CDH18: variants seen among roughly 807,000 people sequenced by gnomAD.
CDH18 encodes the protein cadherin-18.
CDH18 carries 31 observed loss-of-function variants against 67.9 expected under a neutral mutation model. The ratio of observed to expected loss-of-function variants is 0.46; its 90% CI spans 0.34 to 0.62. CDH18 has a LOEUF of 0.62. Among genes scored for constraint, CDH18 ranks in the 20% least tolerant of loss-of-function variants. The pLI, the probability that CDH18 is intolerant of heterozygous loss-of-function variation, is 0.01. For missense variants in CDH18, 890 were observed against 975.5 expected, an observed-to-expected ratio of 0.91 and a Z score of 1.17; for synonymous variants, 362 against 347.2, an observed-to-expected ratio of 1.04 and a Z score of -0.48.
At position 19,726,722 on chromosome 5, in the gene CDH18, AG is replaced by A. The variant is rs1221760385; in HGVS notation, c.524-5257del. ...AAAAATTATAAGACTTGGTATTTTC[AG>A]TAATTCTTTATATTAGACAAAAGTG... On this transcript the variant is annotated intron_variant, in intron 4 of 12. Coordinates refer to ENST00000382275, the MANE Select transcript of CDH18 (RefSeq NM_004934.5). 2.0e-5 allele frequency among the ~76,000 whole-genome samples: 3 copies of A among 152,230 alleles called. 1 individual carries two copies. The highest frequency in any genetic ancestry group is 4.4e-5 in the Non-Finnish European group (3 of 68,032).
intron 1 of CDH18, among the ~76,000 whole-genome samples, chr5:20,470,692 A>G (rs1230613591): frequency 6.6e-6 from 1 of 152,166 alleles, no homozygotes; most frequent in East Asian, 1.9e-4. Flanking sequence ...TCTCTATGCA[A>G]TAGCATTGTG....
intron 2 of CDH18, among the ~76,000 whole-genome samples, chr5:20,086,620 A>C (rs748627134): frequency 1.3e-5 from 2 of 152,180 alleles, no homozygotes; most frequent in Non-Finnish European, 2.9e-5. Context: ...ACTCCAAAAA[A>C]ATCCCAGGAT....
intron 5 of CDH18, among the ~76,000 whole-genome samples, chr5:19,631,773 T>A (rs1042032056): frequency 1.3e-4 from 20 of 152,214 alleles, no homozygotes; most frequent in Non-Finnish European, 2.1e-4. Flanking sequence ...ATATGTGTAA[T>A]GAACTATTTA....
At chr5:19,741,088 T>C (rs2173342) in intron 4 of CDH18, among the ~76,000 whole-genome samples, 103,835 of 150,962 alleles carry the variant, frequency 0.69, 40,531 homozygotes, top group Non-Finnish European at 0.86. Flanking sequence ...TAAATATGTA[T>C]AGTGTATGCG....
intron 2 of CDH18, among the ~76,000 whole-genome samples, chr5:20,092,158 C>G (rs991079579): frequency 6.6e-6 from 1 of 152,028 alleles, no homozygotes; most frequent in East Asian, 1.9e-4. Context: ...TGACAAAGTA[C>G]CTGGCAATGT....
At chr5:19,745,203 A>G (rs1005248501) in intron 4 of CDH18, among the ~76,000 whole-genome samples, 6 of 152,168 alleles carry the variant, frequency 3.9e-5, no homozygotes, top group African/African-American at 1.4e-4. Context: ...ATCAGTTACC[A>G]TTCATGCCTT....
At chr5:19,848,371 T>A (rs1370488840) in intron 2 of CDH18, among the ~76,000 whole-genome samples, 1 of 152,144 alleles carries the variant, frequency 6.6e-6, no homozygotes, top group East Asian at 1.9e-4. Context: ...CGAGGTATTA[T>A]GATGAGAGGG....
At chr5:19,939,172 G>A in intron 2 of CDH18, among the ~76,000 whole-genome samples, 1 of 151,452 alleles carries the variant, frequency 6.6e-6, no homozygotes, top group South Asian at 2.1e-4. Context: ...TTTTACCAAT[G>A]AGGATCAAAA....
intron 3 of CDH18, among the ~76,000 whole-genome samples, chr5:19,830,928 C>T (rs545503500): frequency 3.2e-4 from 48 of 152,064 alleles, no homozygotes; most frequent in Admixed American, 2.0e-3. Context: ...CACAAACTAA[C>T]GCAGGAAGAG....
chr5:20,540,610 G>A (rs1756999969), intron 1 of CDH18, among the ~76,000 whole-genome samples: 1 of 152,186 alleles, frequency 6.6e-6, no homozygotes, highest in South Asian at 2.1e-4. Context: ...ACACCTGAAA[G>A]TGGGTTACAG....
chr5:19,804,267 A>C (rs62355775), intron 3 of CDH18, among the ~76,000 whole-genome samples: 14,289 of 151,480 alleles, frequency 0.094, 743 homozygotes, highest in African/African-American at 0.14. Flanking sequence ...GCACCACTGC[A>C]CTCCAGCCTG....
chr5:20,347,919 C>T lies in CDH18; in HGVS notation c.-579-92414G>A, dbSNP rs1424091746. Among the ~76,000 whole-genome samples the T allele has an allele frequency of 2.0e-5, 3 of 152,154 alleles. No homozygotes were observed. In the East Asian group the frequency reaches 5.8e-4, roughly 29 times the overall value. ...TTCTGGAAACTTGCTTTCCAGCCCC[C>T]TCTCTTTGCTGATAACTTTCCTTTT... On this transcript the variant is annotated intron_variant, in intron 1 of 14. Transcript: ENST00000507958.
In CDH18 at chr5:19,785,669, AAAAAAAAAAAATATATATATATATATAT is replaced by A. The variant is rs1198303021; in HGVS notation, c.229-38461_229-38434del. On this transcript the variant is annotated intron_variant, in intron 3 of 12. Transcript: ENST00000382275. ...AACTCTGTCTCAAAAAAAAAAAAAA[AAAAAAAAAAAATATATATATATATATAT>A]ATATATATATATATATATATATATA... Among the ~76,000 whole-genome samples the A allele has an allele frequency of 9.6e-4, 64 of 66,638 alleles. 2 individuals carry two copies. The highest frequency in any genetic ancestry group is 4.3e-3 in the African/African-American group (64 of 14,962). The allele number at this position is 66,638 out of a possible 152,430, so 43.7% of individuals were successfully genotyped here.
chr5:19,983,044 A>C (rs1449894639), intron 1 of CDH18, among the ~76,000 whole-genome samples: 1 of 151,146 alleles, frequency 6.6e-6, no homozygotes, highest in Non-Finnish European at 1.5e-5. Flanking sequence ...AAAAAAAAAA[A>C]AAAAAAGCCA....
At chr5:19,657,259 A>C (rs1291464436) in intron 5 of CDH18, among the ~76,000 whole-genome samples, 3 of 152,122 alleles carry the variant, frequency 2.0e-5, no homozygotes, top group Non-Finnish European at 4.4e-5. Context: ...GAAGAATAAA[A>C]ACTTGTGATT....
At chr5:19,519,926 G>C (rs184592035) in intron 10 of CDH18, among the ~76,000 whole-genome samples, 1 of 152,142 alleles carries the variant, frequency 6.6e-6, no homozygotes, top group Non-Finnish European at 1.5e-5. Context: ...ATAGTCTTGC[G>C]AGACTCTTGC....
chr5:19,921,456 G>T (rs187613932), intron 2 of CDH18, among the ~76,000 whole-genome samples: 1 of 151,658 alleles, frequency 6.6e-6, no homozygotes. Context: ...GTGTGAACCC[G>T]GGAGGCAGAG....
chr5:20,534,799 C>CGG (rs1375562172), intron 1 of CDH18, among the ~76,000 whole-genome samples: 4 of 151,210 alleles, frequency 2.6e-5, no homozygotes, highest in African/African-American at 9.7e-5. Flanking sequence ...TTACTGACTT[C>CGG]TGAACTCTGT....
At chr5:19,823,587 T>C (rs972345289) in intron 3 of CDH18, among the ~76,000 whole-genome samples, 1 of 152,106 alleles carries the variant, frequency 6.6e-6, no homozygotes, top group Non-Finnish European at 1.5e-5. Flanking sequence ...ATAAAACAAG[T>C]ACTTCTAGAC....
Sources: gnomAD v4.1 joint callset for allele counts (sites outside exome capture counted in the v4.1 genomes callset) on GRCh38, gnomAD v4.1.1 for gene constraint, MANE v1.5 for transcripts, NCBI Gene and HGNC (gene_info 2026-07-23, HGNC 2026-07-21) for gene names.